The following GNAQ variants were observed in gnomAD, a reference collection of about 807,000 sequenced individuals.
GNAQ encodes G protein subunit alpha q.
GNAQ carries 8 observed loss-of-function variants against 43.9 expected under a neutral mutation model. The observed-to-expected ratio is 0.18, with a 90% confidence interval of 0.11 to 0.33. The LOEUF (loss-of-function observed/expected upper bound fraction) is 0.33. Among genes scored for constraint, GNAQ ranks in the 10% least tolerant of loss-of-function variants. The pLI, the probability that GNAQ is intolerant of heterozygous loss-of-function variation, is 1.00. For missense variants in GNAQ, 158 were observed against 450.8 expected (o/e 0.35, Z 5.88); for synonymous variants, 155 against 170.7 (o/e 0.91, Z 0.71).
At chr9:77,987,135 G>T (rs1408496757) in intron 1 of GNAQ, among the ~76,000 whole-genome samples, 1 of 152,088 alleles carries the variant, frequency 6.6e-6, no homozygotes, top group African/African-American at 2.4e-5. Flanking sequence ...CTGTCGTCAT[G>T]TTGTTGGGAA....
intron 5 of GNAQ, among the ~76,000 whole-genome samples, chr9:77,789,500 A>C (rs1235978446): frequency 1.3e-5 from 2 of 152,180 alleles, no homozygotes; most frequent in African/African-American, 2.4e-5. Context: ...ACCTTAAAAA[A>C]AGTATCATTT....
rs577585574 is a variant in GNAQ at position 77,846,084 on chromosome 9, T to A, written c.322-30314A>T. Reference sequence around the variant, plus strand: ...CCTGAAGATGGTCACAAACCAGCCGTCTGTGGGCAAAACACAGTTCACAAA... The same window carrying A: ...CCTGAAGATGGTCACAAACCAGCCGACTGTGGGCAAAACACAGTTCACAAA... On this transcript the variant is annotated intron_variant, in intron 2 of 6. Coordinates refer to ENST00000286548, the MANE Select transcript of GNAQ (RefSeq NM_002072.5). Among the ~76,000 whole-genome samples the A allele has an allele frequency of 6.0e-4, 92 of 152,300 alleles. 1 individual carries two copies. The highest frequency in any genetic ancestry group is 3.4e-3 in the Middle Eastern group (1 of 294).
Position 77,797,504 on chromosome 9 carries a change from T to A in GNAQ, c.605+16A>T, listed in dbSNP as rs748225408. The A allele has an allele frequency of 3.1e-6, 5 of 1,604,864 alleles. No individual in the cohort carries two copies. The highest frequency in any genetic ancestry group is 4.3e-6 in the Non-Finnish European group (5 of 1,172,076). ...CATAAAAGCTGGGAAATAGGTTTCA[T>A]GGACTCAGTTACTACCTGAAAATGA... is the stretch of plus-strand genomic sequence containing the variant. On this transcript the variant is annotated intron_variant, in intron 4 of 6. Transcript: ENST00000286548.
chr9:77,883,465 T>C (rs1340443978), intron 2 of GNAQ, among the ~76,000 whole-genome samples: 4 of 151,924 alleles, frequency 2.6e-5, no homozygotes, highest in African/African-American at 9.7e-5. Flanking sequence ...GTAGTTTTTT[T>C]TTTTTTTTTC....
At chr9:77,892,464 T>C (rs1375975142) in intron 2 of GNAQ, among the ~76,000 whole-genome samples, 2 of 152,242 alleles carry the variant, frequency 1.3e-5, no homozygotes, top group East Asian at 3.8e-4. Flanking sequence ...ACACCCACAC[T>C]GGTTTCTTCT....
Position 77,717,583 on chromosome 9 carries a change from A to C in GNAQ, c.*3740T>G. ...TAGCTTTTCACCAATTCCTAACTTA[A>C]GACAACTAAAATTTACAATCATGTG... On this transcript the variant is annotated 3_prime_UTR_variant, in exon 7 of 7. Transcript: ENST00000286548. The C allele has an allele frequency of 8.6e-6, 2 of 232,436 alleles. No homozygotes were observed. Among genetic ancestry groups the C allele is most frequent in the Middle Eastern group, 2.6e-3 (2 of 780 alleles). The allele number at this position is 232,436 out of a possible 1,614,324, so 14.4% of individuals were successfully genotyped here. A position where few individuals can be genotyped will look rare whatever the true frequency, so the allele number is the denominator to read the frequency against.
intron 1 of GNAQ, among the ~76,000 whole-genome samples, chr9:78,014,991 C>G (rs1426577885): frequency 3.3e-5 from 5 of 152,166 alleles, no homozygotes; most frequent in African/African-American, 9.7e-5. Context: ...ACAAACCTAC[C>G]AAGCTGCCAG....
chr9:77,970,317 T>C (rs1362924146), intron 1 of GNAQ, among the ~76,000 whole-genome samples: 1 of 152,144 alleles, frequency 6.6e-6, no homozygotes, highest in African/African-American at 2.4e-5. Context: ...AGTTCCACAT[T>C]GCAAACCTGC....
intron 2 of GNAQ, among the ~76,000 whole-genome samples, chr9:77,838,803 A>T (rs2117867482): frequency 6.6e-6 from 1 of 152,284 alleles, no homozygotes; most frequent in South Asian, 2.1e-4. Flanking sequence ...TAATATATAT[A>T]TATAAATGTA....
At chr9:77,954,505 C>T (rs927343266) in intron 1 of GNAQ, among the ~76,000 whole-genome samples, 9 of 152,296 alleles carry the variant, frequency 5.9e-5, no homozygotes, top group South Asian at 2.1e-4. Flanking sequence ...CAAAGAGTCA[C>T]GCTGTTGGGC....
chr9:77,751,756 C>G (rs541919419), intron 5 of GNAQ, among the ~76,000 whole-genome samples: 1 of 152,090 alleles, frequency 6.6e-6, no homozygotes, highest in African/African-American at 2.4e-5. Context: ...GCTAGGACAA[C>G]TAGGAAACGA....
intron 2 of GNAQ, among the ~76,000 whole-genome samples, chr9:77,856,718 T>C (rs1009145876): frequency 1.3e-5 from 2 of 152,232 alleles, no homozygotes; most frequent in African/African-American, 4.8e-5. Context: ...TTATAATATA[T>C]ACTGTGCATA....
At chr9:77,993,210 C>T (rs1159661037) in intron 1 of GNAQ, among the ~76,000 whole-genome samples, 2 of 152,054 alleles carry the variant, frequency 1.3e-5, no homozygotes, top group Non-Finnish European at 2.9e-5. Flanking sequence ...TGCCTTCTCT[C>T]TAATGGAGAA....
At chr9:78,016,216 C>G (rs1823836228) in intron 1 of GNAQ, among the ~76,000 whole-genome samples, 1 of 152,138 alleles carries the variant, frequency 6.6e-6, no homozygotes, top group Admixed American at 6.5e-5. Context: ...AAAGCAGAAG[C>G]AATTCTTATA....
intron 2 of GNAQ, among the ~76,000 whole-genome samples, chr9:77,901,226 A>G (rs890861151): frequency 6.6e-6 from 1 of 152,034 alleles, no homozygotes; most frequent in Non-Finnish European, 1.5e-5. Flanking sequence ...AACTCCTATC[A>G]CATCTGTTTC....
chr9:77,794,851 C>G (rs2118445941), intron 4 of GNAQ, among the ~76,000 whole-genome samples: 1 of 152,238 alleles, frequency 6.6e-6, no homozygotes, highest in Middle Eastern at 3.4e-3. Flanking sequence ...CTGTAAAAAA[C>G]ATCCTTATCT....
Position 77,998,422 on chromosome 9 carries a change from T to C in GNAQ, c.136+32678A>G, listed in dbSNP as rs532209298. ...ATTGCCTAATGCTGAACAGCACTCC[T>C]CGATTCTTCCTAAATCTATACTCCA... On this transcript the variant is annotated intron_variant, in intron 1 of 6. Coordinates refer to ENST00000286548, the MANE Select transcript of GNAQ (RefSeq NM_002072.5). Among the ~76,000 whole-genome samples the C allele has an allele frequency of 1.1e-3, 165 of 152,344 alleles. 1 individual carries two copies. The highest frequency in any genetic ancestry group is 3.5e-3 in the African/African-American group (146 of 41,578).
intron 4 of GNAQ, among the ~76,000 whole-genome samples, chr9:77,795,758 TA>T (rs1304117802): frequency 6.6e-6 from 1 of 152,172 alleles, no homozygotes; most frequent in Non-Finnish European, 1.5e-5. Context: ...AATAATACGC[TA>T]CTAATTTACG....
intron 3 of GNAQ, among the ~76,000 whole-genome samples, chr9:77,806,981 C>CCACTTAA: frequency 6.6e-6 from 1 of 152,164 alleles, no homozygotes; most frequent in Non-Finnish European, 1.5e-5. Context: ...GTGGGTCTCC[C>CCACTTAA]ATGGTCATGT....
Sources: allele counts gnomAD v4.1 joint callset (sites outside exome capture counted in the v4.1 genomes callset), GRCh38; gene constraint gnomAD v4.1.1; transcripts MANE v1.5; gene names NCBI Gene and HGNC (gene_info 2026-07-23, HGNC 2026-07-21).